Variants in ANK3 observed in about 807,000 individuals in gnomAD.
ANK3 encodes the protein ankyrin 3.
A neutral mutation model predicts 370.9 loss-of-function variants in ANK3; 57 were observed. The observed-to-expected ratio is 0.15, with a 90% CI of 0.12 to 0.19. The LOEUF is 0.19. Among genes scored for constraint, ANK3 ranks in the 10% least tolerant of loss-of-function variants. The probability of loss-of-function intolerance (pLI) is 1.00; values close to 1 mark genes in which losing one functional copy is unlikely to be tolerated. For synonymous variants in ANK3, 1,929 were observed against 1,946.3 expected, an observed-to-expected ratio of 0.99 and a Z score of 0.23; for missense variants, 4,439 against 5,302.1, an observed-to-expected ratio of 0.84 and a Z score of 5.06.
chr10:60,218,038 G>A (rs920467594), intron 8 of ANK3, among the ~76,000 whole-genome samples: 1 of 149,888 alleles, frequency 6.7e-6, no homozygotes, highest in Non-Finnish European at 1.5e-5. Flanking sequence ...GACCTTTGTT[G>A]ATTTAAAGTC....
At chr10:60,579,326 TAAAAAAA>T (rs763281984) in intron 2 of ANK3, among the ~76,000 whole-genome samples, 676 of 69,032 alleles carry the variant, frequency 9.8e-3, no homozygotes, top group Middle Eastern at 0.028. Flanking sequence ...TCTCTCTCAA[TAAAAAAA>T]AAAAAAAAAA....
At chr10:60,240,417 G>A (rs1423754735) in intron 7 of ANK3, among the ~76,000 whole-genome samples, 1 of 150,322 alleles carries the variant, frequency 6.7e-6, no homozygotes. Context: ...CAATTCTCCT[G>A]CCTCAGCCTC....
intron 7 of ANK3, among the ~76,000 whole-genome samples, chr10:60,255,296 ACT>A (rs1294798522): frequency 6.6e-6 from 1 of 152,172 alleles, no homozygotes; most frequent in African/African-American, 2.4e-5. Context: ...CATTTTGGTG[ACT>A]CTATTAATAT....
At chr10:60,690,127 C>T (rs1006935759) in intron 1 of ANK3, among the ~76,000 whole-genome samples, 2 of 152,030 alleles carry the variant, frequency 1.3e-5, no homozygotes, top group Non-Finnish European at 2.9e-5. Flanking sequence ...CCAAGATGGC[C>T]GAATAGGAAC....
Position 60,076,283 on chromosome 10 carries a change from G to A in ANK3, c.4598C>T (p.Ser1533Leu). ...SLSSSSSNTP[S>L]ASPLKSIWSV... ...CCATATTGATTTTAACGGAGAAGCTGATGGCGTATTAGAGGAAGAACTTGA... is the reference window on the plus strand; with the variant it reads ...CCATATTGATTTTAACGGAGAAGCTAATGGCGTATTAGAGGAAGAACTTGA... Residue 1533 changes from serine (S) to leucine (L), a missense_variant, in exon 37 of 44, where the codon TCA becomes TTA. This residue lies in a region of ANK3 where 679 missense variants were observed against 791.0 expected (regional missense o/e 0.86). Coordinates refer to ENST00000280772, the MANE Select transcript of ANK3 (RefSeq NM_020987.5). 1.2e-6 allele frequency: 2 copies of A among 1,614,142 alleles called. No homozygotes were observed. The highest frequency in any genetic ancestry group is 1.7e-6 in the Non-Finnish European group (2 of 1,179,986).
chr10:60,069,071 T>C lies in ANK3; in HGVS notation c.11810A>G (p.Gln3937Arg), dbSNP rs1012469081. The change falls in exon 37 of 44, where the codon CAG becomes CGG. Residue 3937 changes from glutamine (Q) to arginine (R), a missense_variant. Physicochemically the swap from Gln to Arg is conservative, Grantham distance 43. This residue lies in a region of ANK3 where 496 missense variants were observed against 529.3 expected (regional missense o/e 0.94). Transcript: ENST00000280772. The part of the protein sequence containing the change: ...RKACATQKQG[Q>R]PEKGKAKQLP... ...CTGTTTGGCCTTGCCTTTCTCTGGC[T>C]GCCCTTGCTTTTGTGTGGCACATGC... 4 of 1,614,054 alleles carry C rather than the reference T, an allele frequency of 2.5e-6. No individual in the cohort carries two copies. The African/African-American group carries it at 5.3e-5, about 22-fold the overall frequency.
At chr10:60,320,742 A>T (rs1010089987) in intron 1 of ANK3, among the ~76,000 whole-genome samples, 20 of 152,170 alleles carry the variant, frequency 1.3e-4, no homozygotes, top group Admixed American at 7.2e-4. Flanking sequence ...TTTGGATGGG[A>T]TAGTTCGAGT....
rs2083032660 is a variant in ANK3 at position 60,072,939 on chromosome 10, T to C, written c.7942A>G (p.Lys2648Glu). ...CCATCAGGGCCATGCTGTCTTGCCT[T>C]AACCCACTCATCATTGGATGCCAGC... is the stretch of plus-strand genomic sequence containing the variant. ...ELLASNDEWV[K>E]ARQHGPDGQG... The change falls in exon 37 of 44, where the codon AAG becomes GAG. Residue 2648 changes from lysine (K) to glutamate (E), a missense_variant. Lys to Glu is a moderately conservative substitution (Grantham distance 56, BLOSUM62 1). Transcript: ENST00000280772. 6.2e-7 allele frequency: 1 copy of C among 1,614,118 alleles called. No homozygotes were observed. The highest frequency in any genetic ancestry group is 8.5e-7 in the Non-Finnish European group (1 of 1,180,018).
At chr10:60,480,223 T>C (rs1419871992) in intron 2 of ANK3, among the ~76,000 whole-genome samples, 1 of 152,162 alleles carries the variant, frequency 6.6e-6, no homozygotes, top group South Asian at 2.1e-4. Context: ...TGAGTTCAAT[T>C]TGGTCTTGTT....
intron 1 of ANK3, among the ~76,000 whole-genome samples, chr10:60,645,448 G>A (rs2078697498): frequency 6.6e-6 from 1 of 152,176 alleles, no homozygotes; most frequent in African/African-American, 2.4e-5. Context: ...GAATAGGCCA[G>A]GCGCAGTGGC....
In ANK3 at chr10:60,440,932, C is replaced by T. The variant is rs141481898; in HGVS notation, c.97-161293G>A. On this transcript the variant is annotated intron_variant, in intron 2 of 43. Coordinates refer to the ANK3 transcript ENST00000373827. ...AACTAAAAAAGGGTAGTTCTTCATA[C>T]GCCAGTTTTAAAATACTGAGTTTGA... Among the ~76,000 whole-genome samples the T allele has an allele frequency of 7.7e-3, 1,177 of 152,262 alleles. 19 individuals are homozygous for T. The highest frequency in any genetic ancestry group is 0.026 in the African/African-American group (1,078 of 41,542).
intron 42 of ANK3, chr10:60,042,993 C>A: frequency 7.7e-7 from 1 of 1,301,910 alleles, no homozygotes; most frequent in Non-Finnish European, 9.7e-7. Flanking sequence ...GACAATAATT[C>A]AGTAAGTTAG....
chr10:60,717,991 G>A (rs150115510), intron 1 of ANK3, among the ~76,000 whole-genome samples: 2 of 152,350 alleles, frequency 1.3e-5, no homozygotes, highest in Non-Finnish European at 2.9e-5. Context: ...AGTTTCATTG[G>A]TTACAGCTCA....
chr10:60,558,996 G>A (rs2077272845), intron 2 of ANK3, among the ~76,000 whole-genome samples: 1 of 152,128 alleles, frequency 6.6e-6, no homozygotes, highest in Admixed American at 6.5e-5. Flanking sequence ...ACAAGGACCT[G>A]TATTTATAGG....
intron 2 of ANK3, among the ~76,000 whole-genome samples, chr10:60,614,417 A>G (rs906022059): frequency 1.3e-5 from 2 of 152,248 alleles, no homozygotes; most frequent in African/African-American, 4.8e-5. Context: ...ACTATTATTC[A>G]TCTATTTCTA....
chr10:60,457,136 C>G (rs537607888), intron 2 of ANK3, among the ~76,000 whole-genome samples: 1 of 152,090 alleles, frequency 6.6e-6, no homozygotes, highest in Non-Finnish European at 1.5e-5. Flanking sequence ...GTTTGTCATA[C>G]TCAGAAGGAG....
intron 1 of ANK3, among the ~76,000 whole-genome samples, chr10:60,619,733 T>C (rs890501906): frequency 9.2e-5 from 14 of 152,278 alleles, no homozygotes; most frequent in African/African-American, 3.1e-4. Flanking sequence ...AGTTACACAG[T>C]CAGTAATGGA....
chr10:60,456,111 C>T (rs1406209205), intron 2 of ANK3, among the ~76,000 whole-genome samples: 1 of 152,184 alleles, frequency 6.6e-6, no homozygotes, highest in African/African-American at 2.4e-5. Context: ...AGGCCTGAAT[C>T]AACTGTCCTC....
intron 2 of ANK3, among the ~76,000 whole-genome samples, chr10:60,498,648 C>T (rs2075719874): frequency 2.0e-5 from 3 of 152,310 alleles, no homozygotes; most frequent in East Asian, 3.9e-4. Context: ...ATCTTGGCCT[C>T]CCAAAGTGCT....
Sources: allele counts gnomAD v4.1 joint callset (sites outside exome capture counted in the v4.1 genomes callset), GRCh38; gene constraint gnomAD v4.1.1; regional missense constraint gnomAD v4.1.1; transcripts MANE v1.5; gene names NCBI Gene and HGNC (gene_info 2026-07-23, HGNC 2026-07-21).